ABCB11: variants seen among roughly 807,000 people sequenced by gnomAD.
ABCB11 encodes ATP binding cassette subfamily B member 11.
ABCB11 carries 95 observed loss-of-function variants against 148.0 expected under a neutral mutation model. That is an observed-to-expected ratio of 0.64 (90% confidence interval 0.54 to 0.76). The LOEUF (loss-of-function observed/expected upper bound fraction) is 0.76, where lower values mean the gene tolerates loss of function less well. Among genes scored for constraint, ABCB11 ranks in the 30% least tolerant of loss-of-function variants. The pLI is 0.00. For missense variants in ABCB11, 1,523 were observed against 1,617.8 expected, an observed-to-expected ratio of 0.94 and a Z score of 1.01; for synonymous variants, 591 against 555.4, an observed-to-expected ratio of 1.06 and a Z score of -0.90.
At position 169,014,332 on chromosome 2, in the gene ABCB11, C is replaced by G; in HGVS notation, c.121G>C (p.Asp41His). 6.2e-7 allele frequency: 1 copy of G among 1,613,438 alleles called. No individual in the cohort carries two copies. The highest frequency in any genetic ancestry group is 8.5e-7 in the Non-Finnish European group (1 of 1,179,548). Residue 41 changes from aspartate (D) to histidine (H), a missense_variant, in exon 4 of 28, where the codon GAT (aspartate) becomes CAT (histidine). By Grantham distance (81) the Asp-to-His change is moderately conservative. Coordinates refer to ENST00000650372, the MANE Select transcript of ABCB11 (RefSeq NM_003742.4). ...TGAAAGAAGCCAACTCTAACGCCAT[C>G]ACCTTTCTTCTCATCTTGTAACCTG... Reference protein sequence around the residue: ...KSRLQDEKKGDGVRVGFFQLF... With the variant: ...KSRLQDEKKGHGVRVGFFQLF...
intron 5 of ABCB11, among the ~76,000 whole-genome samples, chr2:168,999,208 A>G (rs1371599627): frequency 6.6e-6 from 1 of 152,100 alleles, no homozygotes; most frequent in Non-Finnish European, 1.5e-5. Context: ...GAGACGTTTT[A>G]CAAATTATTA....
intron 19 of ABCB11, among the ~76,000 whole-genome samples, chr2:168,950,787 T>C (rs1362185877): frequency 6.6e-6 from 1 of 151,844 alleles, no homozygotes; most frequent in Non-Finnish European, 1.5e-5. Context: ...CTTAATTTAT[T>C]CCCATTTGTC....
intron 16 of ABCB11, among the ~76,000 whole-genome samples, chr2:168,968,705 T>C (rs960742129): frequency 8.6e-5 from 13 of 151,586 alleles, no homozygotes; most frequent in African/African-American, 2.2e-4. Context: ...ATTTAAACCA[T>C]ACAATAGCTT....
intron 5 of ABCB11, among the ~76,000 whole-genome samples, chr2:168,997,357 A>G (rs976892436): frequency 6.6e-6 from 1 of 152,076 alleles, no homozygotes; most frequent in Non-Finnish European, 1.5e-5. Context: ...CACCAGGACA[A>G]TTTCTAAGGT....
At position 168,972,022 on chromosome 2, in the gene ABCB11, G is replaced by C. The variant is rs777671329; in HGVS notation, c.1463C>G (p.Ser488Cys). 5.0e-6 allele frequency: 8 copies of C among 1,612,770 alleles called. No individual in the cohort carries two copies. Among genetic ancestry groups the C allele is most frequent in the Non-Finnish European group, 6.8e-6 (8 of 1,179,248 alleles). ...ATCTCTAAGCCACTGAATGTTAAGA[G>C]AGCGAATGTCATGGCCATCCACGGT... ...MVTVDGHDIR[S>C]LNIQWLRDQI... Residue 488 changes from serine (S) to cysteine (C), a missense_variant, in exon 14 of 28, where the codon TCT (serine) becomes TGT (cysteine). Physicochemically the swap from Ser to Cys is moderately radical, Grantham distance 112. Transcript: ENST00000650372.
chr2:168,941,388 T>C (rs1233463787), intron 21 of ABCB11, among the ~76,000 whole-genome samples: 1 of 152,062 alleles, frequency 6.6e-6, no homozygotes, highest in Non-Finnish European at 1.5e-5. Flanking sequence ...TGAAAGAAGT[T>C]GATTCCAACC....
At chr2:169,011,260 G>A (rs1174706645) in intron 5 of ABCB11, among the ~76,000 whole-genome samples, 2 of 152,080 alleles carry the variant, frequency 1.3e-5, no homozygotes, top group Non-Finnish European at 2.9e-5. Flanking sequence ...TGTTATCCGT[G>A]GCTTGGGTCA....
At chr2:169,026,176 G>A (rs1022307979) in intron 1 of ABCB11, among the ~76,000 whole-genome samples, 2 of 152,178 alleles carry the variant, frequency 1.3e-5, no homozygotes, top group African/African-American at 4.8e-5. Flanking sequence ...TCTAATAAGA[G>A]AATAACATGG....
chr2:168,973,808 T>C lies in ABCB11; in HGVS notation c.1341A>G (p.Pro447=), dbSNP rs1386002470. ...ILNDLNMVIK[P]GEMTALVGPS... ...GTCCTACCAGAGCTGTCATTTCCCC[T>C]GGTTTAATGACCATGTTGAGGTCAT... is the stretch of plus-strand genomic sequence containing the variant. Residue 447 remains proline, a synonymous_variant, in exon 13 of 28, where the codon CCA becomes CCG. Coordinates refer to ENST00000650372, the MANE Select transcript of ABCB11 (RefSeq NM_003742.4). 2 of 1,612,120 alleles carry C rather than the reference T, an allele frequency of 1.2e-6. No individual in the cohort carries two copies. Among genetic ancestry groups the C allele is most frequent in the Non-Finnish European group, 1.7e-6 (2 of 1,178,576 alleles).
At chr2:168,920,566 ACT>A (rs1691044783), downstream of ABCB11, among the ~76,000 whole-genome samples, 1 of 149,932 alleles carries the variant, frequency 6.7e-6, no homozygotes, top group South Asian at 2.1e-4. Flanking sequence ...TTTCCTGTTA[ACT>A]TTTATTAACT....
At chr2:168,963,513 G>C (rs1693166461) in intron 18 of ABCB11, among the ~76,000 whole-genome samples, 1 of 151,752 alleles carries the variant, frequency 6.6e-6, no homozygotes, top group Admixed American at 6.6e-5. Context: ...CTGTTTATGT[G>C]AAAATTAGAC....
At chr2:168,966,820 A>G (rs1483223223) in intron 17 of ABCB11, among the ~76,000 whole-genome samples, 1 of 151,908 alleles carries the variant, frequency 6.6e-6, no homozygotes, top group African/African-American at 2.4e-5. Flanking sequence ...AAATGTACAA[A>G]TCTTTCTCTG....
intron 18 of ABCB11, among the ~76,000 whole-genome samples, chr2:168,958,936 T>G (rs1692925783): frequency 6.6e-6 from 1 of 151,752 alleles, no homozygotes; most frequent in Non-Finnish European, 1.5e-5. Flanking sequence ...TTTAGGTAGC[T>G]TATATAGATT....
At chr2:169,023,837 G>A (rs1695608530) in intron 1 of ABCB11, among the ~76,000 whole-genome samples, 1 of 152,142 alleles carries the variant, frequency 6.6e-6, no homozygotes, top group Admixed American at 6.5e-5. Flanking sequence ...GGGCTCAGAG[G>A]GCCCCTGAAC....
chr2:168,975,312 T>C (rs1217557430), intron 12 of ABCB11, among the ~76,000 whole-genome samples: 10 of 57,422 alleles, frequency 1.7e-4, no homozygotes, highest in African/African-American at 8.5e-4. Flanking sequence ...TTTAAATATT[T>C]ATAGATAAAT....
chr2:169,018,970 T>C lies in ABCB11; in HGVS notation c.-27-818A>G, dbSNP rs111948889. Among the ~76,000 whole-genome samples the C allele has an allele frequency of 1.3e-3, 202 of 152,260 alleles. 3 individuals carry two copies. Among genetic ancestry groups the C allele is most frequent in the African/African-American group, 4.5e-3 (187 of 41,550 alleles). The stretch of plus-strand genomic sequence containing the variant: ...TATTTTCCCCTCAGCGTCTGGATGC[T>C]GACGAGTGTGAGAGTTTAGCTGGCG... On this transcript the variant is annotated intron_variant, in intron 1 of 27. Transcript: ENST00000650372.
intron 9 of ABCB11, among the ~76,000 whole-genome samples, chr2:168,989,511 T>A (rs1694440249): frequency 6.6e-6 from 1 of 152,172 alleles, no homozygotes; most frequent in African/African-American, 2.4e-5. Context: ...AGTACCATGC[T>A]GTTTTTATTA....
chr2:169,003,319 G>GGTGT (rs751149363), intron 5 of ABCB11, among the ~76,000 whole-genome samples: 13 of 140,116 alleles, frequency 9.3e-5, no homozygotes, highest in Non-Finnish European at 1.7e-4. Context: ...AGTATTCCAT[G>GGTGT]GTGCGTGTGT....
chr2:168,952,997 C>T (rs1692636960), intron 19 of ABCB11, among the ~76,000 whole-genome samples: 1 of 151,472 alleles, frequency 6.6e-6, no homozygotes. Context: ...GTTTAATTTC[C>T]ATGTATTTGT....
Sources: gnomAD v4.1 joint callset for allele counts (sites outside exome capture counted in the v4.1 genomes callset) on GRCh38, gnomAD v4.1.1 for gene constraint, MANE v1.5 for transcripts, NCBI Gene and HGNC (gene_info 2026-07-23, HGNC 2026-07-21) for gene names.